The following TOX3 variants were observed in gnomAD, a reference collection of about 807,000 sequenced individuals.
TOX3 encodes CAG trinucleotide repeat-containing gene F9 protein.
Under a neutral mutation model 64.3 loss-of-function variants are expected in TOX3, and 22 were observed. The observed-to-expected ratio is 0.34, with a 90% CI of 0.24 to 0.49. The LOEUF is 0.49. Ranked by LOEUF, TOX3 falls within the 20% of genes least tolerant of loss-of-function variation. The pLI is 0.99. For missense variants in TOX3, 661 were observed against 714.4 expected, an observed-to-expected ratio of 0.93 and a Z score of 0.85; for synonymous variants, 291 against 273.6, an observed-to-expected ratio of 1.06 and a Z score of -0.63.
intron 1 of TOX3, among the ~76,000 whole-genome samples, chr16:52,508,987 G>A (rs1168153309): frequency 1.3e-5 from 2 of 152,084 alleles, no homozygotes; most frequent in African/African-American, 2.4e-5. Context: ...AGGAACATTA[G>A]ACTATTTCCA....
rs563260119 is a variant in TOX3, at chr16:52,499,503, T to C, written c.88-30929A>G. On this transcript the variant is annotated intron_variant, in intron 1 of 6. Coordinates refer to ENST00000219746, the MANE Select transcript of TOX3 (RefSeq NM_001080430.4). The stretch of plus-strand genomic sequence containing the variant: ...ATGATGCTAGGGAAAGTATGAAGAA[T>C]CTATCACTTCAGGAATCAGATTCTT... 1.3e-3 allele frequency among the ~76,000 whole-genome samples: 205 copies of C among 152,320 alleles called. 3 individuals carry two copies. Among genetic ancestry groups the C allele is most frequent in the Middle Eastern group, 6.8e-3 (2 of 294 alleles).
intron 1 of TOX3, among the ~76,000 whole-genome samples, chr16:52,526,744 G>A (rs907237661): frequency 1.3e-5 from 2 of 152,194 alleles, no homozygotes; most frequent in African/African-American, 4.8e-5. Context: ...GCTCTAACCA[G>A]GTAGTCTTTG....
Position 52,464,120 on chromosome 16 carries a change from C to T in TOX3, c.222G>A (p.Glu74=), listed in dbSNP as rs754456826. The stretch of plus-strand genomic sequence containing the variant: ...CCGGCATGCCTAGGGCAGGGTCTGA[C>T]TCTGGAGGAGGCGTGATTGGTGGAA... ...FEIPPITPPP[E]SDPALGMPDV... is the part of the protein sequence containing the mutation. The change falls in exon 3 of 7, where the codon GAG becomes GAA. Residue 74 remains glutamate, a synonymous_variant. Transcript: ENST00000219746. The T allele has an allele frequency of 3.1e-6, 5 of 1,592,014 alleles. No homozygotes were observed. Among genetic ancestry groups the T allele is most frequent in the Non-Finnish European group, 4.3e-6 (5 of 1,168,740 alleles).
chr16:52,444,278 T>C lies in TOX3; in HGVS notation c.985A>G (p.Lys329Glu). Residue 329 changes from lysine (K) to glutamate (E), a missense_variant and splice_region_variant, in exon 6 of 7, where the codon AAG (lysine) becomes GAG (glutamate). Around this residue, in one of 3 missense-constraint regions of TOX3, gnomAD observed 103 missense variants for 161.2 expected, o/e 0.64. Coordinates refer to ENST00000219746, the MANE Select transcript of TOX3 (RefSeq NM_001080430.4). Reference protein sequence around the residue: ...LAAYRASLVSKAAAESAEAQT... With the variant: ...LAAYRASLVSEAAAESAEAQT... ...TGGCCGCCCCTGCCCAGGTTTACCT[T>C]AGAAACGAGGCTGGCCCTGTATGCC... 1 of 1,573,680 alleles carries C rather than the reference T, an allele frequency of 6.4e-7. No individual in the cohort carries two copies. Among genetic ancestry groups the C allele is most frequent in the Non-Finnish European group, 8.7e-7 (1 of 1,155,984 alleles).
chr16:52,546,601 C>T (rs1242129801), intron 1 of TOX3, 36 bp downstream of exon 1: 6 of 1,517,098 alleles, frequency 4.0e-6, no homozygotes, highest in South Asian at 2.4e-5. Flanking sequence ...GGGGAGGTGG[C>T]CCCCGCCCCC....
chr16:52,489,092 C>T (rs1169371495), intron 1 of TOX3, among the ~76,000 whole-genome samples: 1 of 152,024 alleles, frequency 6.6e-6, no homozygotes, highest in East Asian at 1.9e-4. Context: ...TTTCCTTTGC[C>T]CAGCAAAACA....
At chr16:52,443,775 G>A (rs900439424) in intron 6 of TOX3, among the ~76,000 whole-genome samples, 1 of 152,148 alleles carries the variant, frequency 6.6e-6, no homozygotes, top group African/African-American at 2.4e-5. Context: ...TATAATACAT[G>A]TAGGTTTTGT....
intron 1 of TOX3, among the ~76,000 whole-genome samples, chr16:52,482,981 A>T (rs1307640254): frequency 6.6e-6 from 1 of 152,170 alleles, no homozygotes; most frequent in Non-Finnish European, 1.5e-5. Flanking sequence ...AGCTGCCTTC[A>T]TATCAAGATT....
chr16:52,474,459 T>C (rs904134131), intron 1 of TOX3, among the ~76,000 whole-genome samples: 6 of 148,468 alleles, frequency 4.0e-5, no homozygotes, highest in African/African-American at 1.2e-4. Context: ...CCATCTCTAC[T>C]AAAAAAAAAA....
chr16:52,486,667 C>T (rs1961539424), intron 1 of TOX3, among the ~76,000 whole-genome samples: 1 of 152,152 alleles, frequency 6.6e-6, no homozygotes, highest in Non-Finnish European at 1.5e-5. Flanking sequence ...TGCAGTGCCT[C>T]ATGCCTGTAA....
chr16:52,496,129 T>G (rs1961844153), intron 1 of TOX3, among the ~76,000 whole-genome samples: 1 of 152,222 alleles, frequency 6.6e-6, no homozygotes, highest in South Asian at 2.1e-4. Context: ...TCAAGATTGC[T>G]TAAATGTATA....
rs1238253387 is a variant in TOX3, at chr16:52,446,033, T to G, written c.867A>C (p.Val289=). ...CTCCAAGGCTGTCCCACATAGATGC[T>G]ACAATTTTTGAGACCTCTCCAAAGG... ...NATFGEVSKI[V]ASMWDSLGEE... is the part of the protein sequence containing the mutation. The change falls in exon 5 of 7, where the codon GTA becomes GTC. Residue 289 remains valine, a synonymous_variant. Coordinates refer to ENST00000219746, the MANE Select transcript of TOX3 (RefSeq NM_001080430.4). The G allele has an allele frequency of 6.2e-7, 1 of 1,613,976 alleles. No individual in the cohort carries two copies. Among genetic ancestry groups the G allele is most frequent in the South Asian group, 1.1e-5 (1 of 91,084 alleles).
chr16:52,491,897 G>A (rs562644898), intron 1 of TOX3, among the ~76,000 whole-genome samples: 1 of 151,980 alleles, frequency 6.6e-6, no homozygotes, highest in Non-Finnish European at 1.5e-5. Flanking sequence ...TTTTTCTGAT[G>A]GTTTCTTGCC....
chr16:52,512,576 G>A (rs1274569240), intron 1 of TOX3, among the ~76,000 whole-genome samples: 1 of 152,188 alleles, frequency 6.6e-6, no homozygotes, highest in Non-Finnish European at 1.5e-5. Context: ...GGTGACTGGG[G>A]ACAGGCAAAG....
chr16:52,471,763 T>G (rs1452083055), intron 1 of TOX3, among the ~76,000 whole-genome samples: 1 of 152,200 alleles, frequency 6.6e-6, no homozygotes, highest in Non-Finnish European at 1.5e-5. Flanking sequence ...TCTACATACT[T>G]TATTTCATTT....
chr16:52,447,526 CTACTG>C (rs961870493), intron 4 of TOX3, among the ~76,000 whole-genome samples: 1 of 152,150 alleles, frequency 6.6e-6, no homozygotes, highest in Non-Finnish European at 1.5e-5. Context: ...CTAGGTGAGC[CTACTG>C]TTTGCACTAT....
rs1473959394 is a variant in TOX3, at chr16:52,547,066, GGAC to G, written c.-346_-344del. ...AGTTCAGGTGCGCTGGGCGAGGCTG[GGAC>G]GGCGGCGGCGGCGGCGGCTGGCCCC... On this transcript the variant is annotated 5_prime_UTR_variant, in exon 1 of 7. Transcript: ENST00000219746. 4 of 569,912 alleles carry G rather than the reference GGAC, an allele frequency of 7.0e-6. No individual in the cohort carries two copies. The East Asian group carries it at 4.4e-4, about 62-fold the overall frequency. 35.3% of individuals were successfully genotyped at this position (569,912 alleles called of 1,614,324 possible). A position where few individuals can be genotyped will look rare whatever the true frequency, so the allele number is the denominator to read the frequency against.
At chr16:52,462,841 C>CA (rs1019960310) in intron 3 of TOX3, among the ~76,000 whole-genome samples, 205 of 135,148 alleles carry the variant, frequency 1.5e-3, no homozygotes, top group African/African-American at 4.2e-3. Context: ...CTTTTCTGAC[C>CA]AAAAAAAAAA....
At chr16:52,455,647 A>G (rs1960492306) in intron 3 of TOX3, among the ~76,000 whole-genome samples, 1 of 152,184 alleles carries the variant, frequency 6.6e-6, no homozygotes, top group South Asian at 2.1e-4. Context: ...GATTGGGTCA[A>G]TAGGAAAGGC....
Sources: gnomAD v4.1 joint callset for allele counts (sites outside exome capture counted in the v4.1 genomes callset) on GRCh38, gnomAD v4.1.1 for gene constraint, gnomAD v4.1.1 regional missense constraint, MANE v1.5 for transcripts, NCBI Gene and HGNC (gene_info 2026-07-23, HGNC 2026-07-21) for gene names.